Variants in DLG2 observed in about 807,000 individuals in gnomAD.
DLG2 encodes disks large homolog 2.
DLG2 carries 45 observed loss-of-function variants against 132.5 expected under a neutral mutation model. The ratio of observed to expected loss-of-function variants is 0.34; its 90% CI spans 0.27 to 0.44. The LOEUF is 0.44. Ranked by LOEUF, DLG2 falls within the 20% of genes least tolerant of loss-of-function variation. The pLI is 1.00. For missense variants in DLG2, 1,045 were observed against 1,196.9 expected (o/e 0.87, Z 1.87); for synonymous variants, 424 against 419.6 (o/e 1.01, Z -0.13).
chr11:83,493,745 C>G (rs956903774), intron 21 of DLG2, among the ~76,000 whole-genome samples: 1 of 152,052 alleles, frequency 6.6e-6, no homozygotes, highest in East Asian at 1.9e-4. Flanking sequence ...TAGTACCTGG[C>G]AGAAAGTCTG....
chr11:85,223,544 T>C (rs2074791510), intron 4 of DLG2, among the ~76,000 whole-genome samples: 1 of 152,176 alleles, frequency 6.6e-6, no homozygotes, highest in African/African-American at 2.4e-5. Flanking sequence ...GAAGTCTACC[T>C]GGGAGGATCA....
intron 6 of DLG2, among the ~76,000 whole-genome samples, chr11:84,771,056 C>T (rs1393249018): frequency 6.6e-6 from 1 of 152,080 alleles, no homozygotes; most frequent in East Asian, 1.9e-4. Context: ...TCTGTCTTTT[C>T]TATGTGAATA....
intron 6 of DLG2, among the ~76,000 whole-genome samples, chr11:84,711,011 T>TAG (rs556620981): frequency 1.3e-4 from 11 of 83,862 alleles, no homozygotes; most frequent in South Asian, 1.2e-3. Context: ...TATATATAGA[T>TAG]ATATATATAT....
intron 3 of DLG2, among the ~76,000 whole-genome samples, chr11:85,564,721 T>C (rs1332462599): frequency 6.6e-6 from 1 of 152,002 alleles, no homozygotes; most frequent in African/African-American, 2.4e-5. Context: ...AAAACTGCTT[T>C]CATTATTCTA....
At chr11:84,532,652 C>T (rs1163648487) in intron 7 of DLG2, among the ~76,000 whole-genome samples, 5 of 152,052 alleles carry the variant, frequency 3.3e-5, no homozygotes, top group African/African-American at 9.7e-5. Context: ...CATGCCACCT[C>T]GCTTGGCTAA....
At chr11:83,539,005 G>A (rs971690443) in intron 20 of DLG2, among the ~76,000 whole-genome samples, 2 of 152,110 alleles carry the variant, frequency 1.3e-5, no homozygotes, top group African/African-American at 4.8e-5. Flanking sequence ...CTTACTACAC[G>A]GGCAATTTCA....
Position 84,775,545 on chromosome 11 carries a change from A to G in DLG2, c.358-240814T>C, listed in dbSNP as rs542692191. On this transcript the variant is annotated intron_variant, in intron 6 of 27. Coordinates refer to ENST00000376104, the MANE Select transcript of DLG2 (RefSeq NM_001142699.3). Reference sequence around the variant, plus strand: ...AGTGTCCATCAATGCCGGACTGGATAAAGAAAATGGGGTACATATACACCA... The same window carrying G: ...AGTGTCCATCAATGCCGGACTGGATGAAGAAAATGGGGTACATATACACCA... Among the ~76,000 whole-genome samples the G allele has an allele frequency of 7.2e-5, 11 of 152,190 alleles. No homozygotes were observed. In the South Asian group the frequency reaches 1.7e-3, roughly 23 times the overall value.
At chr11:83,921,231 T>C (rs1195517010) in intron 15 of DLG2, among the ~76,000 whole-genome samples, 2 of 152,180 alleles carry the variant, frequency 1.3e-5, no homozygotes, top group East Asian at 3.9e-4. Flanking sequence ...ATTATCCTCA[T>C]AGTTGCCATC....
intron 19 of DLG2, among the ~76,000 whole-genome samples, chr11:83,612,423 C>A (rs914971139): frequency 1.3e-5 from 2 of 152,118 alleles, no homozygotes; most frequent in Non-Finnish European, 2.9e-5. Context: ...AAATAGTAGG[C>A]ATATTAGGTA....
chr11:85,538,199 A>T (rs2075730707), intron 3 of DLG2, among the ~76,000 whole-genome samples: 2 of 152,002 alleles, frequency 1.3e-5, no homozygotes, highest in South Asian at 4.1e-4. Context: ...GAAGTCAGCA[A>T]GACCAAGAAC....
intron 6 of DLG2, among the ~76,000 whole-genome samples, chr11:84,917,396 A>T (rs1484422572): frequency 2.0e-5 from 3 of 152,246 alleles, no homozygotes; most frequent in Non-Finnish European, 2.9e-5. Flanking sequence ...TATTCATTGT[A>T]GTTTTCATAT....
At chr11:85,226,746 G>A (rs2075003600) in intron 4 of DLG2, among the ~76,000 whole-genome samples, 1 of 152,044 alleles carries the variant, frequency 6.6e-6, no homozygotes, top group Non-Finnish European at 1.5e-5. Flanking sequence ...AAAAGACAAT[G>A]ATGTTATTCA....
At chr11:85,314,362 G>C (rs2080506903) in intron 3 of DLG2, among the ~76,000 whole-genome samples, 1 of 151,798 alleles carries the variant, frequency 6.6e-6, no homozygotes, top group Non-Finnish European at 1.5e-5. Flanking sequence ...GATGTTATCT[G>C]AAAGGAAAAA....
intron 3 of DLG2, among the ~76,000 whole-genome samples, chr11:85,395,713 GC>G (rs1233464040): frequency 9.4e-6 from 1 of 106,370 alleles, no homozygotes; most frequent in Non-Finnish European, 2.3e-5. Flanking sequence ...AGGGGCGTCT[GC>G]CATTGCTGAG....
At chr11:83,981,446 A>T (rs2092769307) in intron 11 of DLG2, among the ~76,000 whole-genome samples, 1 of 152,112 alleles carries the variant, frequency 6.6e-6, no homozygotes, top group Non-Finnish European at 1.5e-5. Flanking sequence ...TTAATTAATT[A>T]ATTAATTTAA....
rs191583210 is a variant in DLG2 at position 83,876,108 on chromosome 11, C to T, written c.1497-1620G>A. Among the ~76,000 whole-genome samples, 641 of 152,244 alleles carry T rather than the reference C, an allele frequency of 4.2e-3. 5 individuals are homozygous for T. The highest frequency in any genetic ancestry group is 0.015 in the African/African-American group (612 of 41,558). ...GGCTCAACCACATATACCAATGTAACCTTGTATATATTACTTAAATCGCTC... is the reference window on the plus strand; with the variant it reads ...GGCTCAACCACATATACCAATGTAATCTTGTATATATTACTTAAATCGCTC... On this transcript the variant is annotated intron_variant, in intron 15 of 27. Transcript: ENST00000376104.
chr11:84,882,170 G>A (rs929290759), intron 6 of DLG2, among the ~76,000 whole-genome samples: 1 of 151,970 alleles, frequency 6.6e-6, no homozygotes, highest in Non-Finnish European at 1.5e-5. Flanking sequence ...TTTAAGGTGG[G>A]AGATCACTAT....
chr11:84,104,631 T>C (rs2092776221), intron 9 of DLG2, among the ~76,000 whole-genome samples: 1 of 152,116 alleles, frequency 6.6e-6, no homozygotes, highest in South Asian at 2.1e-4. Context: ...ATGTTGATTA[T>C]ATAAATATGA....
In DLG2 at chr11:84,189,734, T is replaced by C. The variant is rs1358921711; in HGVS notation, c.574-26223A>G. Among the ~76,000 whole-genome samples the C allele has an allele frequency of 3.3e-5, 5 of 152,206 alleles. No individual in the cohort carries two copies. The East Asian group carries it at 7.7e-4, about 23-fold the overall frequency. On this transcript the variant is annotated intron_variant, in intron 8 of 27. Coordinates refer to ENST00000376104, the MANE Select transcript of DLG2 (RefSeq NM_001142699.3). ...ACTAATGCAGGAACAGAAAACCAAA[T>C]ACTACATGTTCTCATTTGTAAGTGG...
Sources: allele counts gnomAD v4.1 joint callset (sites outside exome capture counted in the v4.1 genomes callset), GRCh38; gene constraint gnomAD v4.1.1; transcripts MANE v1.5; gene names NCBI Gene and HGNC (gene_info 2026-07-23, HGNC 2026-07-21).